The following RGS7 variants were observed in gnomAD, a reference collection of about 807,000 sequenced individuals.
The protein encoded by RGS7 is regulator of G-protein signaling 7.
In RGS7, 27 loss-of-function variants were observed where a neutral mutation model predicts 81.1. The observed-to-expected ratio is 0.33, with a 90% CI of 0.25 to 0.46. The LOEUF (loss-of-function observed/expected upper bound fraction) is 0.46, where lower values mean the gene tolerates loss of function less well. RGS7 is among the 20% of genes least tolerant of loss of function. RGS7 has a pLI of 1.00. For synonymous variants in RGS7, 208 were observed against 207.7 expected (o/e 1.00, Z -0.01); for missense variants, 396 against 607.4 (o/e 0.65, Z 3.66).
chr1:241,077,288 T>G (rs1416277405), intron 3 of RGS7, among the ~76,000 whole-genome samples: 1 of 152,106 alleles, frequency 6.6e-6, no homozygotes, highest in East Asian at 1.9e-4. Context: ...TGGGCTGTCA[T>G]GAAAATGGAT....
chr1:241,053,058 A>G (rs1281072004), intron 3 of RGS7, among the ~76,000 whole-genome samples: 3 of 152,138 alleles, frequency 2.0e-5, no homozygotes, highest in African/African-American at 4.8e-5. Context: ...AATCACACTG[A>G]AAATATCTCT....
At chr1:240,923,446 A>G (rs1673913873) in intron 6 of RGS7, among the ~76,000 whole-genome samples, 1 of 152,084 alleles carries the variant, frequency 6.6e-6, no homozygotes, top group Admixed American at 6.6e-5. Flanking sequence ...AACTCTCTGC[A>G]TATTTTGTTT....
chr1:241,255,427 T>C (rs529260736), intron 2 of RGS7, among the ~76,000 whole-genome samples: 4 of 152,268 alleles, frequency 2.6e-5, no homozygotes, highest in Admixed American at 6.5e-5. Flanking sequence ...CAGGACCAAA[T>C]AGAATTCTAG....
chr1:241,205,609 C>T (rs2073827503), intron 2 of RGS7, among the ~76,000 whole-genome samples: 1 of 151,812 alleles, frequency 6.6e-6, no homozygotes, highest in Non-Finnish European at 1.5e-5. Flanking sequence ...GCAACCACCA[C>T]ACCCAGCTAA....
intron 2 of RGS7, among the ~76,000 whole-genome samples, chr1:241,270,184 C>T (rs1481204879): frequency 6.6e-6 from 1 of 152,266 alleles, no homozygotes; most frequent in Non-Finnish European, 1.5e-5. Context: ...CCCCTGCATC[C>T]CTGATCCTCT....
chr1:241,346,765 A>C (rs974548121), intron 2 of RGS7, among the ~76,000 whole-genome samples: 2 of 152,348 alleles, frequency 1.3e-5, no homozygotes. Flanking sequence ...CAAGTCATAT[A>C]CATAATGGAC....
chr1:241,331,014 A>G (rs1489015916), intron 2 of RGS7, among the ~76,000 whole-genome samples: 1 of 152,148 alleles, frequency 6.6e-6, no homozygotes, highest in African/African-American at 2.4e-5. Context: ...TGACTTTTCC[A>G]TGATTCCTAT....
At chr1:241,096,461 C>T (rs1338481649) in intron 3 of RGS7, among the ~76,000 whole-genome samples, 1 of 151,828 alleles carries the variant, frequency 6.6e-6, no homozygotes, top group African/African-American at 2.4e-5. Context: ...CTAATTGAAC[C>T]TACGAGGCAG....
At position 241,158,220 on chromosome 1, in the gene RGS7, A is replaced by T. The variant is rs534815167; in HGVS notation, c.79-59458T>A. Among the ~76,000 whole-genome samples the T allele has an allele frequency of 5.3e-5, 8 of 152,322 alleles. No individual in the cohort carries two copies. In the South Asian group the frequency reaches 1.5e-3, roughly 28 times the overall value. On this transcript the variant is annotated intron_variant, in intron 2 of 18. Coordinates refer to ENST00000440928, the MANE Select transcript of RGS7 (RefSeq NM_001364886.1). ...TAGCATAGTTGGGAAGTTGTGACAG[A>T]TACCTGAAAGCCAAATATGTTTACT...
chr1:241,115,253 A>T (rs2065809089), intron 2 of RGS7, among the ~76,000 whole-genome samples: 1 of 152,182 alleles, frequency 6.6e-6, no homozygotes, highest in Admixed American at 6.5e-5. Context: ...CTTTAAAACT[A>T]GATCTGATCC....
chr1:240,979,477 G>A (rs6666040), intron 4 of RGS7, among the ~76,000 whole-genome samples: 66,107 of 151,972 alleles, frequency 0.43, 15,779 homozygotes, highest in East Asian at 0.72. Context: ...TATATTCTTG[G>A]TTAGAAGACA....
intron 6 of RGS7, among the ~76,000 whole-genome samples, chr1:240,881,930 T>C (rs1666465565): frequency 6.6e-6 from 1 of 151,858 alleles, no homozygotes; most frequent in African/African-American, 2.4e-5. Context: ...TTTTTTTTTT[T>C]TTGAGAGAGA....
intron 3 of RGS7, among the ~76,000 whole-genome samples, chr1:241,040,002 A>G (rs1201311628): frequency 1.3e-5 from 2 of 152,230 alleles, no homozygotes; most frequent in Non-Finnish European, 2.9e-5. Flanking sequence ...ATGTAAAATG[A>G]TTTCAAGTGC....
At chr1:241,238,531 CTCT>C (rs71686143) in intron 2 of RGS7, among the ~76,000 whole-genome samples, 17,744 of 152,064 alleles carry the variant, frequency 0.12, 1,305 homozygotes, top group East Asian at 0.19. Context: ...CACCCTCTCT[CTCT>C]TTTTTCTTTT....
intron 18 of RGS7, among the ~76,000 whole-genome samples, chr1:240,783,616 C>G (rs1185055211): frequency 6.6e-6 from 1 of 151,370 alleles, no homozygotes; most frequent in Non-Finnish European, 1.5e-5. Flanking sequence ...GAGCGAGACT[C>G]TGTCTCAAAA....
At chr1:240,792,022 C>G (rs1686094058) in intron 18 of RGS7, among the ~76,000 whole-genome samples, 1 of 152,066 alleles carries the variant, frequency 6.6e-6, no homozygotes, top group South Asian at 2.1e-4. Context: ...AGATATAAGT[C>G]CTATATCTCC....
At chr1:241,054,327 A>G (rs1478150523) in intron 3 of RGS7, among the ~76,000 whole-genome samples, 3 of 152,130 alleles carry the variant, frequency 2.0e-5, no homozygotes, top group African/African-American at 7.2e-5. Flanking sequence ...ATCTCATAAC[A>G]CAGAAGGCAG....
intron 2 of RGS7, among the ~76,000 whole-genome samples, chr1:241,174,895 G>GTTTTTTTTTTTTTT (rs551122102): frequency 1.4e-4 from 10 of 69,234 alleles, no homozygotes; most frequent in Admixed American, 4.8e-4. Context: ...ACAGAATTTT[G>GTTTTTTTTTTTTTT]TTTTTTTTTT....
At chr1:241,071,716 T>TA (rs1331183191) in intron 3 of RGS7, among the ~76,000 whole-genome samples, 1 of 150,120 alleles carries the variant, frequency 6.7e-6, no homozygotes, top group African/African-American at 2.4e-5. Context: ...CAAAAAAATT[T>TA]AAAAAAAATT....
Sources: gnomAD v4.1 joint callset for allele counts (sites outside exome capture counted in the v4.1 genomes callset) on GRCh38, gnomAD v4.1.1 for gene constraint, MANE v1.5 for transcripts, NCBI Gene and HGNC (gene_info 2026-07-23, HGNC 2026-07-21) for gene names.